Variants in MYRIP observed in about 807,000 individuals in gnomAD.
MYRIP encodes myosin VIIA and Rab interacting protein, also known as rab effector MyRIP.
A neutral mutation model predicts 98.0 loss-of-function variants in MYRIP; 49 were observed. The ratio of observed to expected loss-of-function variants is 0.50; its 90% confidence interval spans 0.40 to 0.63. MYRIP has a LOEUF of 0.63. MYRIP is among the 30% of genes least tolerant of loss of function. The pLI, the probability that MYRIP is intolerant of heterozygous loss-of-function variation, is 0.00. For missense variants in MYRIP, 1,004 were observed against 1,058.2 expected (o/e 0.95, Z 0.71); for synonymous variants, 404 against 409.5 (o/e 0.99, Z 0.16).
intron 2 of MYRIP, among the ~76,000 whole-genome samples, chr3:39,967,805 G>T: frequency 6.6e-6 from 1 of 151,800 alleles, no homozygotes; most frequent in East Asian, 1.9e-4. Flanking sequence ...ATCTCACTGC[G>T]GTTTTTATTT....
intron 1 of MYRIP, among the ~76,000 whole-genome samples, chr3:39,893,732 A>G (rs938069582): frequency 2.7e-5 from 4 of 150,900 alleles, no homozygotes; most frequent in African/African-American, 9.9e-5. Flanking sequence ...ATTGTTTAGA[A>G]AAACAAAAAA....
intron 2 of MYRIP, among the ~76,000 whole-genome samples, chr3:39,933,826 AT>A (rs1360411427): frequency 6.6e-6 from 1 of 152,128 alleles, no homozygotes; most frequent in African/African-American, 2.4e-5. Flanking sequence ...TATCTTTTAT[AT>A]TTTTTATAGA....
chr3:40,113,255 T>A (rs1414937308), intron 3 of MYRIP, among the ~76,000 whole-genome samples: 1 of 152,232 alleles, frequency 6.6e-6, no homozygotes, highest in Non-Finnish European at 1.5e-5. Flanking sequence ...GCAGTTCTCC[T>A]GCCTGAGCCT....
chr3:39,946,381 GGGA>G (rs1944902632), intron 2 of MYRIP, among the ~76,000 whole-genome samples: 1 of 152,062 alleles, frequency 6.6e-6, no homozygotes, highest in African/African-American at 2.4e-5. Flanking sequence ...TAATTCTCCT[GGGA>G]TTATGTAGTG....
intron 2 of MYRIP, among the ~76,000 whole-genome samples, chr3:39,993,992 G>A (rs149966990): frequency 3.3e-5 from 5 of 152,264 alleles, no homozygotes; most frequent in African/African-American, 7.2e-5. Flanking sequence ...GTATGAACAC[G>A]TCTTTTCAAA....
At chr3:39,953,889 C>T (rs900194781) in intron 2 of MYRIP, among the ~76,000 whole-genome samples, 7 of 152,158 alleles carry the variant, frequency 4.6e-5, no homozygotes, top group East Asian at 1.9e-4. Flanking sequence ...GAGGGTCCCA[C>T]GCCCATGGAG....
chr3:39,935,734 G>T (rs1944641062), intron 2 of MYRIP, among the ~76,000 whole-genome samples: 1 of 152,130 alleles, frequency 6.6e-6, no homozygotes, highest in African/African-American at 2.4e-5. Context: ...CTGATGTCAA[G>T]GACAAGCAGG....
chr3:40,059,492 G>C (rs1432474420), intron 3 of MYRIP, among the ~76,000 whole-genome samples: 1 of 152,096 alleles, frequency 6.6e-6, no homozygotes, highest in Admixed American at 6.5e-5. Context: ...GCATGAGATG[G>C]TATCTTGTTG....
At chr3:39,826,506 T>G (rs1439414033) in intron 1 of MYRIP, among the ~76,000 whole-genome samples, 1 of 152,194 alleles carries the variant, frequency 6.6e-6, no homozygotes, top group African/African-American at 2.4e-5. Flanking sequence ...TATTCCATTG[T>G]GGTCAGATAA....
rs140459610 is a variant in MYRIP at position 39,852,830 on chromosome 3, G to A, written c.-31+42914G>A. Among the ~76,000 whole-genome samples the A allele has an allele frequency of 3.9e-3, 590 of 152,168 alleles. 1 individual carries two copies. Among genetic ancestry groups the A allele is most frequent in the South Asian group, 0.02 (96 of 4,806 alleles). On this transcript the variant is annotated intron_variant, in intron 1 of 16. Coordinates refer to ENST00000302541, the MANE Select transcript of MYRIP (RefSeq NM_015460.4). ...ATAGTCTCACTCTGTTGCCAGACTG[G>A]AGTGCAGTGGCAAGATCTTGGCTCA...
intron 11 of MYRIP, among the ~76,000 whole-genome samples, chr3:40,214,861 G>A (rs1952071224): frequency 1.3e-5 from 2 of 152,122 alleles, no homozygotes; most frequent in Admixed American, 6.5e-5. Context: ...TGCAAAAGAG[G>A]ACTAAGGACT....
intron 3 of MYRIP, among the ~76,000 whole-genome samples, chr3:40,093,282 C>T (rs540090448): frequency 2.5e-4 from 38 of 152,196 alleles, no homozygotes; most frequent in Non-Finnish European, 4.7e-4. Context: ...AGAAAAACCA[C>T]AACTTCATGC....
At chr3:39,905,122 C>T (rs1943846042) in intron 2 of MYRIP, among the ~76,000 whole-genome samples, 1 of 152,170 alleles carries the variant, frequency 6.6e-6, no homozygotes, top group African/African-American at 2.4e-5. Context: ...CTAGATTACT[C>T]AAGTAAATGT....
intron 16 of MYRIP, 99 bp from the exon 17 acceptor site, chr3:40,258,035 A>C: frequency 7.6e-7 from 1 of 1,313,600 alleles, no homozygotes; most frequent in Non-Finnish European, 1.1e-6. Flanking sequence ...AAAAGCATGA[A>C]TAGCTTTTGA....
chr3:40,118,535 CT>C (rs906854034), intron 3 of MYRIP, among the ~76,000 whole-genome samples: 14 of 145,838 alleles, frequency 9.6e-5, no homozygotes, highest in East Asian at 4.0e-4. Flanking sequence ...AATGAGGAAA[CT>C]TTTTTTTTTC....
At chr3:40,237,106 C>G (rs1952846652) in intron 12 of MYRIP, among the ~76,000 whole-genome samples, 1 of 152,128 alleles carries the variant, frequency 6.6e-6, no homozygotes, top group Non-Finnish European at 1.5e-5. Context: ...TGCTTGAGGC[C>G]AGGAGTTTGA....
At chr3:39,985,737 G>GA (rs1178180950) in intron 2 of MYRIP, among the ~76,000 whole-genome samples, 2 of 151,908 alleles carry the variant, frequency 1.3e-5, no homozygotes, top group Non-Finnish European at 2.9e-5. Context: ...AATGGTGCTG[G>GA]AAAAACTGGC....
At chr3:39,880,672 A>C (rs1943136700) in intron 1 of MYRIP, among the ~76,000 whole-genome samples, 1 of 152,166 alleles carries the variant, frequency 6.6e-6, no homozygotes, top group African/African-American at 2.4e-5. Flanking sequence ...AATTCTTTCT[A>C]GCTCCTTAGG....
At chr3:39,988,156 G>A (rs1211844685) in intron 2 of MYRIP, among the ~76,000 whole-genome samples, 1 of 152,058 alleles carries the variant, frequency 6.6e-6, no homozygotes, top group African/African-American at 2.4e-5. Context: ...TCTGGGGACT[G>A]TTGTGGGGTG....
Sources: gnomAD v4.1 joint callset for allele counts (sites outside exome capture counted in the v4.1 genomes callset) on GRCh38, gnomAD v4.1.1 for gene constraint, MANE v1.5 for transcripts, NCBI Gene and HGNC (gene_info 2026-07-23, HGNC 2026-07-21) for gene names.